LRRC4C: variants seen among roughly 807,000 people sequenced by gnomAD.
LRRC4C encodes leucine-rich repeat-containing protein 4C.
A neutral mutation model predicts 33.6 loss-of-function variants in LRRC4C; 5 were observed. The observed-to-expected ratio is 0.15, with a 90% CI of 0.08 to 0.31. The LOEUF (loss-of-function observed/expected upper bound fraction) is 0.31, where lower values mean the gene tolerates loss of function less well. Ranked by LOEUF, LRRC4C falls within the 10% of genes least tolerant of loss-of-function variation. The pLI, the probability that LRRC4C is intolerant of heterozygous loss-of-function variation, is 1.00. For synonymous variants in LRRC4C, 329 were observed against 302.0 expected (o/e 1.09, Z -0.93); for missense variants, 560 against 796.7 (o/e 0.70, Z 3.58).
Position 40,473,324 on chromosome 11 carries a change from T to C in LRRC4C, c.-269-153603A>G, listed in dbSNP as rs950718597. ...TACATAAATCGATAAATGTAATCCA[T>C]CACATAAACAGAACAAATGACAAAA... On this transcript the variant is annotated intron_variant, in intron 3 of 6. Transcript: ENST00000528697. 5.9e-5 allele frequency among the ~76,000 whole-genome samples: 9 copies of C among 152,196 alleles called. No homozygotes were observed. In the East Asian group the frequency reaches 1.7e-3, roughly 29 times the overall value.
chr11:40,338,064 T>A (rs1946707861), intron 3 of LRRC4C, among the ~76,000 whole-genome samples: 1 of 152,222 alleles, frequency 6.6e-6, no homozygotes, highest in African/African-American at 2.4e-5. Flanking sequence ...CCTTAAACCC[T>A]ATCACATCTA....
At chr11:40,503,056 C>A (rs927053626) in intron 3 of LRRC4C, among the ~76,000 whole-genome samples, 4 of 152,124 alleles carry the variant, frequency 2.6e-5, no homozygotes, top group African/African-American at 9.7e-5. Context: ...TGACTCAATA[C>A]TCATGCTTTC....
intron 1 of LRRC4C, among the ~76,000 whole-genome samples, chr11:40,999,055 CAT>C (rs1387986736): frequency 4.6e-5 from 7 of 152,254 alleles, no homozygotes; most frequent in South Asian, 2.1e-4. Flanking sequence ...TATTCAGAAA[CAT>C]GTGGAGTTTT....
intron 3 of LRRC4C, among the ~76,000 whole-genome samples, chr11:40,574,296 CCAGGACAATGAAGT>C: frequency 6.6e-6 from 1 of 152,112 alleles, no homozygotes; most frequent in East Asian, 1.9e-4. Flanking sequence ...TATTGGCCAG[CCAGGACAATGAAGT>C]CAGGGCCCAA....
At chr11:40,590,890 A>T (rs1392229328) in intron 3 of LRRC4C, among the ~76,000 whole-genome samples, 1 of 152,262 alleles carries the variant, frequency 6.6e-6, no homozygotes. Context: ...AAGCTGTCAG[A>T]CAGGGACATT....
chr11:40,491,344 C>CAACA (rs1448211707), intron 3 of LRRC4C, among the ~76,000 whole-genome samples: 2 of 151,872 alleles, frequency 1.3e-5, no homozygotes, highest in Non-Finnish European at 2.9e-5. Flanking sequence ...TGCTGTGTAA[C>CAACA]AACAAATTTA....
At position 41,254,757 on chromosome 11, in the gene LRRC4C, A is replaced by T. The variant is rs573500484; in HGVS notation, c.-496+204674T>A. Among the ~76,000 whole-genome samples the T allele has an allele frequency of 2.0e-5, 3 of 152,206 alleles. No homozygotes were observed. In the East Asian group the frequency reaches 5.8e-4, roughly 29 times the overall value. On this transcript the variant is annotated intron_variant, in intron 1 of 6. Coordinates refer to ENST00000528697, the MANE Select transcript of LRRC4C (RefSeq NM_001258419.2). ...GAAAATTCCACCTGCTCCATGGCAT[A>T]GAATTTTCCTCAAAATTCACATTCT... is the stretch of plus-strand genomic sequence containing the variant.
At chr11:41,218,031 C>A (rs1343575511) in intron 1 of LRRC4C, among the ~76,000 whole-genome samples, 2 of 151,830 alleles carry the variant, frequency 1.3e-5, no homozygotes, top group African/African-American at 4.8e-5. Flanking sequence ...TAAAATGAGG[C>A]CTACTCTCCT....
At chr11:40,709,246 TATG>T (rs1244097201) in intron 2 of LRRC4C, among the ~76,000 whole-genome samples, 1 of 152,166 alleles carries the variant, frequency 6.6e-6, no homozygotes, top group African/African-American at 2.4e-5. Flanking sequence ...ATCCCGTCAT[TATG>T]ATGTTAGCTG....
intron 1 of LRRC4C, among the ~76,000 whole-genome samples, chr11:41,022,973 C>A (rs1856087772): frequency 6.6e-6 from 1 of 151,872 alleles, no homozygotes; most frequent in Non-Finnish European, 1.5e-5. Flanking sequence ...CACTAACTCA[C>A]AAATCTGTAT....
chr11:40,746,944 G>A (rs146756624), intron 2 of LRRC4C, among the ~76,000 whole-genome samples: 3 of 152,174 alleles, frequency 2.0e-5, no homozygotes, highest in Admixed American at 6.5e-5. Context: ...GTTATCACCC[G>A]TGCCTCACCA....
intron 2 of LRRC4C, among the ~76,000 whole-genome samples, chr11:40,753,998 GTA>G (rs201830749): frequency 1.2e-4 from 18 of 149,694 alleles, no homozygotes; most frequent in East Asian, 5.9e-4. Context: ...TATATTCACT[GTA>G]TATATATATA....
intron 2 of LRRC4C, among the ~76,000 whole-genome samples, chr11:40,715,799 C>A (rs894858179): frequency 6.6e-6 from 1 of 152,094 alleles, no homozygotes; most frequent in South Asian, 2.1e-4. Flanking sequence ...CTGAGGCCGG[C>A]GGATCGCGTG....
At chr11:40,864,304 G>C (rs1006276144) in intron 2 of LRRC4C, among the ~76,000 whole-genome samples, 3 of 152,066 alleles carry the variant, frequency 2.0e-5, no homozygotes, top group African/African-American at 7.2e-5. Context: ...CCTGACCACA[G>C]GTGATTCACC....
chr11:40,890,062 C>A (rs553511178), intron 2 of LRRC4C, among the ~76,000 whole-genome samples: 1 of 152,212 alleles, frequency 6.6e-6, no homozygotes, highest in South Asian at 2.1e-4. Context: ...CTCCATCATA[C>A]CTTCCTTGCA....
intron 2 of LRRC4C, among the ~76,000 whole-genome samples, chr11:40,660,356 T>A (rs1374841879): frequency 6.6e-6 from 1 of 152,136 alleles, no homozygotes; most frequent in Admixed American, 6.5e-5. Context: ...GTGGGCAGAA[T>A]AACCCCAGCA....
At chr11:41,135,061 T>C (rs896408152) in intron 1 of LRRC4C, among the ~76,000 whole-genome samples, 2 of 151,446 alleles carry the variant, frequency 1.3e-5, no homozygotes, top group Admixed American at 6.6e-5. Flanking sequence ...TATACACATA[T>C]ACACACACAC....
At chr11:40,663,525 A>G (rs1284753280) in intron 2 of LRRC4C, among the ~76,000 whole-genome samples, 1 of 152,222 alleles carries the variant, frequency 6.6e-6, no homozygotes, top group Non-Finnish European at 1.5e-5. Flanking sequence ...TTGGATATGA[A>G]ACAAAGAAAG....
chr11:40,625,061 A>G (rs1353888970), intron 3 of LRRC4C, among the ~76,000 whole-genome samples: 1 of 152,158 alleles, frequency 6.6e-6, no homozygotes. Context: ...ATAATACTGT[A>G]GTATTAATAT....
Sources: gnomAD v4.1 joint callset for allele counts (sites outside exome capture counted in the v4.1 genomes callset) on GRCh38, gnomAD v4.1.1 for gene constraint, MANE v1.5 for transcripts, NCBI Gene and HGNC (gene_info 2026-07-23, HGNC 2026-07-21) for gene names.